WIPF1: variants seen among roughly 807,000 people sequenced by gnomAD.
The protein encoded by WIPF1 is WAS/WASL interacting protein family member 1, also known as WAS/WASL-interacting protein family member 1.
WIPF1 carries 13 observed loss-of-function variants against 35.4 expected under a neutral mutation model. The observed-to-expected ratio is 0.37, with a 90% CI of 0.24 to 0.58. The LOEUF is 0.58. WIPF1 is among the 20% of genes least tolerant of loss of function. The pLI, the probability that WIPF1 is intolerant of heterozygous loss-of-function variation, is 0.74. For synonymous variants in WIPF1, 267 were observed against 266.3 expected (o/e 1.00, Z -0.02); for missense variants, 591 against 667.0 (o/e 0.89, Z 1.25).
chr2:174,595,678 G>C (rs1205606603), intron 1 of WIPF1, among the ~76,000 whole-genome samples: 1 of 152,152 alleles, frequency 6.6e-6, no homozygotes, highest in Non-Finnish European at 1.5e-5. Context: ...GTACACCCAT[G>C]CAAACTTCCA....
At chr2:174,640,031 A>T (rs1687265184) in intron 1 of WIPF1, among the ~76,000 whole-genome samples, 1 of 152,158 alleles carries the variant, frequency 6.6e-6, no homozygotes, top group Non-Finnish European at 1.5e-5. Flanking sequence ...AGATATAGAA[A>T]ACCCTAAAGA....
At chr2:174,672,157 T>C (rs1688031358) in intron 1 of WIPF1, among the ~76,000 whole-genome samples, 1 of 152,228 alleles carries the variant, frequency 6.6e-6, no homozygotes, top group African/African-American at 2.4e-5. Flanking sequence ...AAAAAGAACC[T>C]ATGTGAAATA....
At chr2:174,668,879 CAT>C (rs1687949078) in intron 1 of WIPF1, among the ~76,000 whole-genome samples, 1 of 152,208 alleles carries the variant, frequency 6.6e-6, no homozygotes, top group Non-Finnish European at 1.5e-5. Flanking sequence ...AGGAGGGCCT[CAT>C]AGTTCAGACT....
intron 1 of WIPF1, chr2:174,656,375 CTTCACAGAATAAGTTTCAT>C (rs1687641232): frequency 6.6e-6 from 1 of 152,214 alleles, no homozygotes; most frequent in Admixed American, 6.5e-5. Flanking sequence ...TGAAGAATTA[CTTCACAGAATAAGTTTCAT>C]GCAAAGACAT....
At chr2:174,646,883 G>C (rs1687421316) in intron 1 of WIPF1, among the ~76,000 whole-genome samples, 2 of 152,168 alleles carry the variant, frequency 1.3e-5, no homozygotes, top group South Asian at 4.1e-4. Context: ...CCAAAGTGCT[G>C]AAACTACAGG....
intron 1 of WIPF1, among the ~76,000 whole-genome samples, chr2:174,605,649 T>C (rs1457533057): frequency 6.6e-6 from 1 of 152,162 alleles, no homozygotes; most frequent in African/African-American, 2.4e-5. Flanking sequence ...TATACTGAAA[T>C]ATTTGTGGAT....
chr2:174,678,705 G>A (rs1385244607), intron 1 of WIPF1, among the ~76,000 whole-genome samples: 9 of 152,244 alleles, frequency 5.9e-5, no homozygotes, highest in Non-Finnish European at 5.9e-5. Context: ...GTGTCAAAGG[G>A]CCAGGAAAAG....
chr2:174,628,620 C>T (rs1686921185), intron 1 of WIPF1, among the ~76,000 whole-genome samples: 2 of 152,246 alleles, frequency 1.3e-5, no homozygotes, highest in African/African-American at 4.8e-5. Flanking sequence ...ATCTGTTACT[C>T]TACTCCCATT....
intron 1 of WIPF1, among the ~76,000 whole-genome samples, chr2:174,618,278 G>A (rs964945638): frequency 2.0e-5 from 3 of 152,194 alleles, no homozygotes; most frequent in African/African-American, 7.2e-5. Flanking sequence ...TGAAAAGCTC[G>A]GCACAGACAA....
intron 1 of WIPF1, among the ~76,000 whole-genome samples, chr2:174,647,392 G>A (rs1031080801): frequency 1.1e-4 from 17 of 150,148 alleles, no homozygotes; most frequent in African/African-American, 3.4e-4. Flanking sequence ...TTTTCTTTCC[G>A]AGACTGAGTC....
chr2:174,605,106 G>A (rs1249440374), intron 1 of WIPF1, among the ~76,000 whole-genome samples: 1 of 152,178 alleles, frequency 6.6e-6, no homozygotes, highest in Non-Finnish European at 1.5e-5. Flanking sequence ...CAGTAAGAGC[G>A]AGGGGAGCCT....
chr2:174,673,971 G>A (rs1427836844), intron 1 of WIPF1, among the ~76,000 whole-genome samples: 1 of 152,080 alleles, frequency 6.6e-6, no homozygotes, highest in Admixed American at 6.6e-5. Flanking sequence ...ATTATTCTGG[G>A]CTGCACAATG....
chr2:174,638,202 AG>A (rs1397790294), intron 1 of WIPF1, among the ~76,000 whole-genome samples: 1 of 152,346 alleles, frequency 6.6e-6, no homozygotes, highest in Non-Finnish European at 1.5e-5. Flanking sequence ...ATTCTCATCA[AG>A]TCCTAAATAT....
chr2:174,657,910 CAAAAAA>C (rs56717056), intron 1 of WIPF1, among the ~76,000 whole-genome samples: 44,083 of 96,144 alleles, frequency 0.46, 8,148 homozygotes, highest in Middle Eastern at 0.52. Context: ...AACTCTGTCT[CAAAAAA>C]AAAAAAAAAA....
At position 174,649,656 on chromosome 2, in the gene WIPF1, T is replaced by C. The variant is rs374831109; in HGVS notation, c.-39+33118A>G. The stretch of plus-strand genomic sequence containing the variant: ...CCTGACCACCCTGGTGTCTTTCCCA[T>C]GTGGCCCTATGTGGTGTGCTGTGCC... On this transcript the variant is annotated intron_variant, in intron 1 of 8. Coordinates refer to the WIPF1 transcript ENST00000272746. Among the ~76,000 whole-genome samples, 69 of 152,270 alleles carry C rather than the reference T, an allele frequency of 4.5e-4. 2 individuals are homozygous for C. Among genetic ancestry groups the C allele is most frequent in the African/African-American group, 1.6e-3 (66 of 41,562 alleles).
At chr2:174,673,346 G>C in intron 1 of WIPF1, 1 of 152,262 alleles carries the variant, frequency 6.6e-6, no homozygotes, top group East Asian at 1.9e-4. Context: ...TCAGGGTCTA[G>C]AGATTTTCCT....
At chr2:174,580,687 G>A (rs1685207573) in intron 3 of WIPF1, among the ~76,000 whole-genome samples, 1 of 152,222 alleles carries the variant, frequency 6.6e-6, no homozygotes, top group African/African-American at 2.4e-5. Flanking sequence ...TGTTGTAAAT[G>A]TTAATAAGTA....
intron 1 of WIPF1, among the ~76,000 whole-genome samples, chr2:174,613,194 G>C (rs1220662517): frequency 6.6e-6 from 1 of 152,214 alleles, no homozygotes; most frequent in African/African-American, 2.4e-5. Flanking sequence ...TTGTGACCCT[G>C]AGTCACCTTA....
chr2:174,650,832 A>G (rs747397905), intron 1 of WIPF1, among the ~76,000 whole-genome samples: 7 of 152,240 alleles, frequency 4.6e-5, no homozygotes, highest in Non-Finnish European at 7.3e-5. Context: ...GGTGCCTGCC[A>G]TGAGAACCTG....
Sources: allele counts gnomAD v4.1 joint callset (sites outside exome capture counted in the v4.1 genomes callset), GRCh38; gene constraint gnomAD v4.1.1; transcripts MANE v1.5; gene names NCBI Gene and HGNC (gene_info 2026-07-23, HGNC 2026-07-21).